The following ZMYM2 variants were observed in gnomAD, a reference collection of about 807,000 sequenced individuals.
ZMYM2 encodes zinc finger MYM-type protein 2.
A neutral mutation model predicts 162.8 loss-of-function variants in ZMYM2; 56 were observed. The observed-to-expected ratio is 0.34, with a 90% CI of 0.28 to 0.43. ZMYM2 has a LOEUF of 0.43. Among genes scored for constraint, ZMYM2 ranks in the 20% least tolerant of loss-of-function variants. ZMYM2 has a pLI of 1.00. For missense variants in ZMYM2, 1,275 were observed against 1,621.8 expected, an observed-to-expected ratio of 0.79 and a Z score of 3.67; for synonymous variants, 510 against 541.6, an observed-to-expected ratio of 0.94 and a Z score of 0.81.
At chr13:20,075,670 C>CTTTTTTTTTTTTTTTTTTTTTTTTTTTTT (rs56664916) in intron 21 of ZMYM2, among the ~76,000 whole-genome samples, 5 of 75,738 alleles carry the variant, frequency 6.6e-5, no homozygotes, top group Admixed American at 1.7e-4. Flanking sequence ...CTATAGACAC[C>CTTTTTTTTTTTTTTTTTTTTTTTTTTTTT]TTTTTTTTTT....
chr13:20,063,824 A>AATAAAATTTTAT (rs1956425458), intron 18 of ZMYM2, among the ~76,000 whole-genome samples: 1 of 146,520 alleles, frequency 6.8e-6, no homozygotes, highest in Non-Finnish European at 1.5e-5. Context: ...ATAATACATA[A>AATAAAATTTTAT]ATATAATTTT....
intron 2 of ZMYM2, among the ~76,000 whole-genome samples, chr13:19,987,092 A>G (rs1949210827): frequency 7.3e-6 from 1 of 137,158 alleles, no homozygotes; most frequent in Non-Finnish European, 1.6e-5. Flanking sequence ...AGCCTGGGCA[A>G]GAGAGCAAGG....
chr13:20,026,803 C>T lies in ZMYM2; in HGVS notation c.1735+41C>T, dbSNP rs367825129. 89 of 1,539,746 alleles carry T rather than the reference C, an allele frequency of 5.8e-5. No homozygotes were observed. The African/African-American group carries it at 8.9e-4, about 15-fold the overall frequency. Reference sequence around the variant, plus strand: ...TTGGACAGTTAAAAAAACTTTACAACGTAATTAATTTTTGCATAAATACTC... The same window carrying T: ...TTGGACAGTTAAAAAAACTTTACAATGTAATTAATTTTTGCATAAATACTC... On this transcript the variant is annotated intron_variant, in intron 8 of 24. Transcript: ENST00000610343.
chr13:19,866,711 CAT>C, the ZMYM2 span, among the ~76,000 whole-genome samples: 1 of 152,064 alleles, frequency 6.6e-6, no homozygotes, highest in African/African-American at 2.4e-5. Context: ...GCCTAGGTAA[CAT>C]AGTGGGACCC....
the ZMYM2 span, among the ~76,000 whole-genome samples, chr13:19,949,798 A>G: frequency 3.4e-5 from 5 of 148,190 alleles, no homozygotes; most frequent in South Asian, 1.1e-3. Context: ...GAGGCAGAAG[A>G]CTCGCTTGAA....
intron 2 of ZMYM2, among the ~76,000 whole-genome samples, chr13:19,963,021 T>G (rs973292022): frequency 6.6e-6 from 1 of 151,930 alleles, no homozygotes; most frequent in Admixed American, 6.6e-5. Context: ...GGATTTTTAG[T>G]AGAGACAAGG....
At chr13:19,892,869 C>T in the ZMYM2 span, among the ~76,000 whole-genome samples, 1 of 151,390 alleles carries the variant, frequency 6.6e-6, no homozygotes, top group Non-Finnish European at 1.5e-5. Context: ...CACGCGCCAC[C>T]GCGCCCAGCT....
the ZMYM2 span, among the ~76,000 whole-genome samples, chr13:19,889,832 A>G: frequency 2.0e-5 from 3 of 151,536 alleles, no homozygotes; most frequent in Non-Finnish European, 4.4e-5. Context: ...ACTGAAAAAT[A>G]ACATTTTTGA....
intron 18 of ZMYM2, among the ~76,000 whole-genome samples, chr13:20,064,091 T>C (rs1956487473): frequency 6.6e-6 from 1 of 151,472 alleles, no homozygotes; most frequent in Non-Finnish European, 1.5e-5. Context: ...ATGAGCACAC[T>C]GAGTAGAATG....
the ZMYM2 span, among the ~76,000 whole-genome samples, chr13:19,911,556 T>C: frequency 6.6e-6 from 1 of 152,168 alleles, no homozygotes; most frequent in African/African-American, 2.4e-5. Flanking sequence ...AATCAGCCTT[T>C]TGGGGTTTAC....
At chr13:19,954,358 C>T (rs1345451481), upstream of ZMYM2, among the ~76,000 whole-genome samples, 2 of 151,554 alleles carry the variant, frequency 1.3e-5, no homozygotes, top group Non-Finnish European at 1.5e-5. Context: ...CCTTGTGATC[C>T]GCCCGCCTCG....
At chr13:19,943,790 C>T in the ZMYM2 span, among the ~76,000 whole-genome samples, 1 of 152,090 alleles carries the variant, frequency 6.6e-6, no homozygotes, top group South Asian at 2.1e-4. Context: ...GGTATATGTG[C>T]CCAAGTGTGA....
At chr13:19,915,563 G>T in the ZMYM2 span, among the ~76,000 whole-genome samples, 1 of 151,504 alleles carries the variant, frequency 6.6e-6, no homozygotes, top group African/African-American at 2.4e-5. Flanking sequence ...GAGTCAAATG[G>T]CATAATCTCA....
At chr13:19,870,972 T>G in the ZMYM2 span, among the ~76,000 whole-genome samples, 1 of 152,054 alleles carries the variant, frequency 6.6e-6, no homozygotes, top group Non-Finnish European at 1.5e-5. Context: ...AGTCACTAAG[T>G]GCTTCCCACA....
intron 14 of ZMYM2, among the ~76,000 whole-genome samples, chr13:20,058,021 G>C (rs1955940155): frequency 6.6e-6 from 1 of 152,192 alleles, no homozygotes; most frequent in Admixed American, 6.5e-5. Flanking sequence ...TGAAATATCT[G>C]AGAGACTGCA....
the ZMYM2 span, among the ~76,000 whole-genome samples, chr13:19,867,833 CCAGG>C: frequency 6.6e-6 from 1 of 152,210 alleles, no homozygotes; most frequent in South Asian, 2.1e-4. Flanking sequence ...ACCATGTTGG[CCAGG>C]CTGGTCTCGA....
At chr13:19,985,333 G>A (rs1015719136) in intron 2 of ZMYM2, among the ~76,000 whole-genome samples, 1 of 152,034 alleles carries the variant, frequency 6.6e-6, no homozygotes, top group Non-Finnish European at 1.5e-5. Flanking sequence ...TGAGTCACCA[G>A]GGCTGGTCTC....
chr13:20,025,280 C>G (rs1235065086), intron 7 of ZMYM2: 1 of 200,354 alleles, frequency 5.0e-6, no homozygotes, highest in Non-Finnish European at 1.0e-5. Flanking sequence ...AAAATGGATA[C>G]AATTATTTTG....
intron 24 of ZMYM2, among the ~76,000 whole-genome samples, chr13:20,084,844 C>G (rs1295613169): frequency 6.6e-6 from 1 of 152,082 alleles, no homozygotes. Flanking sequence ...TCACAGGTCC[C>G]CAGGATGGCC....
Sources: gnomAD v4.1 joint callset for allele counts (sites outside exome capture counted in the v4.1 genomes callset) on GRCh38, gnomAD v4.1.1 for gene constraint, MANE v1.5 for transcripts, NCBI Gene and HGNC (gene_info 2026-07-23, HGNC 2026-07-21) for gene names.